BCAS3: variants seen among roughly 807,000 people sequenced by gnomAD.
The protein encoded by BCAS3 is BCAS3 microtubule associated cell migration factor, also known as BCAS4/BCAS3 fusion.
In BCAS3, 53 loss-of-function variants were observed where a neutral mutation model predicts 116.1. The ratio of observed to expected loss-of-function variants is 0.46; its 90% CI spans 0.37 to 0.57. The LOEUF (loss-of-function observed/expected upper bound fraction) is 0.57, where lower values mean the gene tolerates loss of function less well. Among genes scored for constraint, BCAS3 ranks in the 20% least tolerant of loss-of-function variants. The pLI is 0.00. For synonymous variants in BCAS3, 391 were observed against 408.2 expected (o/e 0.96, Z 0.51); for missense variants, 917 against 1,165.4 (o/e 0.79, Z 3.10).
chr17:60,952,088 A>G (rs1452046078), intron 14 of BCAS3, among the ~76,000 whole-genome samples: 1 of 152,054 alleles, frequency 6.6e-6, no homozygotes, highest in African/African-American at 2.4e-5. Context: ...TGGCATTTTC[A>G]TAGTCCAAGT....
At chr17:61,025,337 G>C (rs2066162129) in intron 16 of BCAS3, among the ~76,000 whole-genome samples, 1 of 151,886 alleles carries the variant, frequency 6.6e-6, no homozygotes. Flanking sequence ...CTGGTTCTGT[G>C]GACCAGCAGC....
intron 5 of BCAS3, among the ~76,000 whole-genome samples, chr17:60,738,298 G>A (rs1348317225): frequency 1.3e-5 from 2 of 152,226 alleles, no homozygotes; most frequent in Admixed American, 1.3e-4. Flanking sequence ...TTCAGATAGA[G>A]GGGTGTTAGA....
At chr17:60,902,014 T>G (rs575999901) in intron 10 of BCAS3, among the ~76,000 whole-genome samples, 2 of 152,346 alleles carry the variant, frequency 1.3e-5, no homozygotes, top group African/African-American at 4.8e-5. Context: ...AATTGGCAGT[T>G]TGCTTTATTT....
intron 6 of BCAS3, among the ~76,000 whole-genome samples, chr17:60,762,427 G>A (rs1168129409): frequency 6.6e-6 from 1 of 152,140 alleles, no homozygotes; most frequent in Non-Finnish European, 1.5e-5. Context: ...TGGCTAGCCA[G>A]TTTTCCCAAC....
At chr17:61,242,320 A>T (rs932710257) in intron 22 of BCAS3, among the ~76,000 whole-genome samples, 1 of 152,126 alleles carries the variant, frequency 6.6e-6, no homozygotes, top group Non-Finnish European at 1.5e-5. Context: ...GACAGTGTAA[A>T]TATCAGGGTC....
chr17:61,048,756 C>T (rs2068576135), intron 19 of BCAS3, among the ~76,000 whole-genome samples: 1 of 151,862 alleles, frequency 6.6e-6, no homozygotes, highest in African/African-American at 2.4e-5. Flanking sequence ...ATGCTGAAGA[C>T]TGCAGAGGGT....
chr17:60,740,220 T>G (rs1039982208), intron 5 of BCAS3, among the ~76,000 whole-genome samples: 9 of 152,010 alleles, frequency 5.9e-5, no homozygotes, highest in Admixed American at 5.2e-4. Flanking sequence ...ATGGTCCATG[T>G]GTGGTGGCTC....
At chr17:61,293,478 G>A (rs562607727) in intron 22 of BCAS3, among the ~76,000 whole-genome samples, 6 of 152,282 alleles carry the variant, frequency 3.9e-5, no homozygotes, top group East Asian at 3.9e-4. Context: ...AGAACTGCAC[G>A]TTTAACCTTC....
intron 6 of BCAS3, among the ~76,000 whole-genome samples, chr17:60,788,713 T>C (rs1206257551): frequency 1.3e-5 from 2 of 152,170 alleles, no homozygotes; most frequent in Non-Finnish European, 2.9e-5. Context: ...CATCTTCCAC[T>C]TCATCTCTCT....
intron 6 of BCAS3, among the ~76,000 whole-genome samples, chr17:60,803,541 A>AT (rs549069606): frequency 7.2e-5 from 11 of 151,946 alleles, no homozygotes; most frequent in South Asian, 6.2e-4. Flanking sequence ...TTAATTTAAT[A>AT]TTTTTTTTCC....
At chr17:60,788,206 G>A (rs970174608) in intron 6 of BCAS3, among the ~76,000 whole-genome samples, 1 of 151,928 alleles carries the variant, frequency 6.6e-6, no homozygotes, top group Non-Finnish European at 1.5e-5. Flanking sequence ...AATTTTTTTT[G>A]ACAGTAGCTT....
At position 60,690,834 on chromosome 17, in the gene BCAS3, C is replaced by T. The variant is rs370047768; in HGVS notation, c.214+1073C>T. ...GCTCAGGAAGCTGAGGCAGGAGAAT[C>T]GCTTGAACCCAGGAGGTGGAGGCTG... On this transcript the variant is annotated intron_variant, in intron 4 of 23. Transcript: ENST00000407086. Among the ~76,000 whole-genome samples, 11 of 146,950 alleles carry T rather than the reference C, an allele frequency of 7.5e-5. No individual in the cohort carries two copies. In the East Asian group the frequency reaches 1.3e-3, roughly 18 times the overall value.
At position 61,044,137 on chromosome 17, in the gene BCAS3, T is replaced by C. The variant is rs564330492; in HGVS notation, c.2029+3245T>C. ...TTATTCAGAAGTTTACTGATGTTTT[T>C]GACCAGAAAAAAAAATATGCCTTAA... On this transcript the variant is annotated intron_variant, in intron 19 of 23. Coordinates refer to ENST00000407086, the MANE Select transcript of BCAS3 (RefSeq NM_017679.5). Among the ~76,000 whole-genome samples, 22 of 151,990 alleles carry C rather than the reference T, an allele frequency of 1.4e-4. No homozygotes were observed. In the East Asian group the frequency reaches 4.2e-3, roughly 29 times the overall value.
At chr17:60,728,654 A>T (rs1047671482) in intron 5 of BCAS3, among the ~76,000 whole-genome samples, 54 of 151,718 alleles carry the variant, frequency 3.6e-4, no homozygotes, top group African/African-American at 1.3e-3. Flanking sequence ...TAATTTTTGT[A>T]CTTTTAGTAG....
In BCAS3 at chr17:61,008,044, A is replaced by G. The variant is rs1268222117; in HGVS notation, c.1487-7707A>G. 1.5e-5 allele frequency among the ~76,000 whole-genome samples: 2 copies of G among 137,858 alleles called. No homozygotes were observed. Among genetic ancestry groups the G allele is most frequent in the African/African-American group, 6.7e-5 (2 of 29,860 alleles). 90.4% of individuals were successfully genotyped at this position (137,858 alleles called of 152,430 possible). On this transcript the variant is annotated intron_variant, in intron 15 of 23. Transcript: ENST00000407086. This position sits in a 1 kb window ranked among gnomAD's most constrained non-coding sequence, Gnocchi z 4.6. ...TAAAAATGTGTGTCTGTGTGTCGAC[A>G]CACACACACACACACACACATAAAA...
At chr17:60,856,349 G>C (rs2053670405) in intron 7 of BCAS3, among the ~76,000 whole-genome samples, 1 of 152,258 alleles carries the variant, frequency 6.6e-6, no homozygotes, top group Middle Eastern at 3.4e-3. Flanking sequence ...ATCCAAAAAA[G>C]TTGTAGCTAA....
chr17:61,127,612 G>A (rs1485824831), intron 22 of BCAS3, among the ~76,000 whole-genome samples: 1 of 150,246 alleles, frequency 6.7e-6, no homozygotes, highest in Non-Finnish European at 1.5e-5. Context: ...TTTTATCATC[G>A]TAGAAAGTTC....
chr17:60,844,289 C>T (rs987615539), intron 7 of BCAS3, among the ~76,000 whole-genome samples: 2 of 152,094 alleles, frequency 1.3e-5, no homozygotes, highest in African/African-American at 4.8e-5. Flanking sequence ...ATAAATTTAT[C>T]GAATGAATAA....
chr17:61,098,459 T>C lies in BCAS3; in HGVS notation c.2425+13895T>C, dbSNP rs2074114067. ...TATTTTGCCAAAGTTGTGACTTTAA[T>C]ATTCTGTGGCTTGTAATTGTGATTT... On this transcript the variant is annotated intron_variant, in intron 22 of 23. Transcript: ENST00000407086. The surrounding 1 kb of genome is among the most constrained non-coding windows in gnomAD (Gnocchi z 4.2). Among the ~76,000 whole-genome samples, 2 of 152,238 alleles carry C rather than the reference T, an allele frequency of 1.3e-5. No homozygotes were observed. The highest frequency in any genetic ancestry group is 2.9e-5 in the Non-Finnish European group (2 of 68,040).
Sources: gnomAD v4.1 joint callset for allele counts (sites outside exome capture counted in the v4.1 genomes callset) on GRCh38, gnomAD v4.1.1 for gene constraint, Gnocchi (gnomAD v3.1) non-coding constraint, MANE v1.5 for transcripts, NCBI Gene and HGNC (gene_info 2026-07-23, HGNC 2026-07-21) for gene names.